The following ZBTB7C variants were observed in gnomAD, a reference collection of about 807,000 sequenced individuals.
ZBTB7C encodes the protein zinc finger and BTB domain-containing protein 7C.
Under a neutral mutation model 25.7 loss-of-function variants are expected in ZBTB7C, and 8 were observed. The observed-to-expected ratio is 0.31, with a 90% CI of 0.18 to 0.56. The LOEUF (loss-of-function observed/expected upper bound fraction) is 0.56, where lower values mean the gene tolerates loss of function less well. ZBTB7C is among the 20% of genes least tolerant of loss of function. The pLI is 0.91. For missense variants in ZBTB7C, 824 were observed against 855.2 expected (o/e 0.96, Z 0.46); for synonymous variants, 394 against 369.0 (o/e 1.07, Z -0.78).
At chr18:48,309,025 C>T (rs1483164462) in intron 2 of ZBTB7C, among the ~76,000 whole-genome samples, 1 of 152,210 alleles carries the variant, frequency 6.6e-6, no homozygotes, top group Non-Finnish European at 1.5e-5. Context: ...ACATTCCAGG[C>T]CAGGTCTCTG....
intron 1 of ZBTB7C, among the ~76,000 whole-genome samples, chr18:48,339,838 T>C (rs972915606): frequency 6.6e-6 from 1 of 152,090 alleles, no homozygotes; most frequent in East Asian, 1.9e-4. Flanking sequence ...AGGCTCCTAG[T>C]TAACAGGAGC....
intron 2 of ZBTB7C, among the ~76,000 whole-genome samples, chr18:48,290,048 G>C (rs1019271866): frequency 5.3e-5 from 8 of 152,352 alleles, no homozygotes; most frequent in African/African-American, 1.9e-4. Flanking sequence ...GGAGATTACA[G>C]TAGTTATGCT....
chr18:48,128,635 G>A (rs1489975485), intron 3 of ZBTB7C, among the ~76,000 whole-genome samples: 1 of 152,218 alleles, frequency 6.6e-6, no homozygotes, highest in Non-Finnish European at 1.5e-5. Context: ...GTTCTCACTT[G>A]TAACTGGGAG....
chr18:48,041,217 G>C (rs904956561), intron 3 of ZBTB7C, 94 bp from the exon 4 acceptor site: 3 of 1,458,110 alleles, frequency 2.1e-6, no homozygotes, highest in East Asian at 2.4e-5. Context: ...CTTGGCATAA[G>C]GGCTCCCTGT....
chr18:48,039,773 G>A, intron 4 of ZBTB7C, 127 bp downstream of exon 4: 4 of 983,936 alleles, frequency 4.1e-6, no homozygotes, highest in South Asian at 3.0e-5. Context: ...ACCCCTGCTA[G>A]CCACGAGCCT....
At chr18:48,338,524 T>C (rs1470163935) in intron 1 of ZBTB7C, 126 bp from the exon 2 acceptor site, 1 of 152,254 alleles carries the variant, frequency 6.6e-6, no homozygotes, top group East Asian at 1.9e-4. Flanking sequence ...CAATTCTTCA[T>C]GACTATACCA....
intron 1 of ZBTB7C, among the ~76,000 whole-genome samples, chr18:48,384,733 G>A (rs1334652912): frequency 2.0e-5 from 3 of 152,170 alleles, no homozygotes; most frequent in Non-Finnish European, 2.9e-5. Flanking sequence ...CCAGGCTGGA[G>A]TGCAGTGGCA....
intron 1 of ZBTB7C, among the ~76,000 whole-genome samples, chr18:48,365,688 C>T (rs1316814169): frequency 6.6e-6 from 1 of 152,004 alleles, no homozygotes; most frequent in Non-Finnish European, 1.5e-5. Flanking sequence ...TGCAGAGACT[C>T]CTAGCCCACA....
intron 2 of ZBTB7C, among the ~76,000 whole-genome samples, chr18:48,207,643 TGG>T (rs747944577): frequency 0.025 from 3,118 of 123,578 alleles, 42 homozygotes; most frequent in Non-Finnish European, 0.044. Flanking sequence ...CTATAGAGAC[TGG>T]ATTTCCCTAT....
At chr18:48,168,334 G>T (rs1164111628) in intron 3 of ZBTB7C, among the ~76,000 whole-genome samples, 1 of 152,246 alleles carries the variant, frequency 6.6e-6, no homozygotes, top group Non-Finnish European at 1.5e-5. Flanking sequence ...AGACAAATAT[G>T]TGGTTGATGT....
intron 2 of ZBTB7C, among the ~76,000 whole-genome samples, chr18:48,300,689 C>G (rs1172959362): frequency 6.6e-6 from 1 of 152,228 alleles, no homozygotes; most frequent in Non-Finnish European, 1.5e-5. Flanking sequence ...CAGAAGAGGA[C>G]AGCCCCTGTT....
In ZBTB7C at chr18:48,326,375, C is replaced by T. The variant is rs1327500788; in HGVS notation, c.-79+11799G>A. 5.3e-5 allele frequency among the ~76,000 whole-genome samples: 8 copies of T among 152,228 alleles called. No homozygotes were observed. The East Asian group carries it at 9.6e-4, about 18-fold the overall frequency. ...CCTTCCAAAGGGCTGGGATTACAGG[C>T]GTGAGTCACCATGCCCGGCCTCTAC... On this transcript the variant is annotated intron_variant, in intron 2 of 4. Coordinates refer to ENST00000590800, the MANE Select transcript of ZBTB7C (RefSeq NM_001318841.2).
In ZBTB7C at chr18:48,103,250, C is replaced by T. The variant is rs1262438218; in HGVS notation, c.-16-62127G>A. Among the ~76,000 whole-genome samples, 8 of 151,622 alleles carry T rather than the reference C, an allele frequency of 5.3e-5. No homozygotes were observed. In the East Asian group the frequency reaches 5.8e-4, roughly 11 times the overall value. ...CACATTCCCAGTAAGAAAAATGAGA[C>T]GTCAGGTTTGATCCCACCAGGAAGA... On this transcript the variant is annotated intron_variant, in intron 3 of 4. Transcript: ENST00000590800.
chr18:48,043,312 A>C (rs966697400), intron 3 of ZBTB7C, among the ~76,000 whole-genome samples: 3 of 152,252 alleles, frequency 2.0e-5, no homozygotes, highest in Non-Finnish European at 2.9e-5. Flanking sequence ...TTTGTGCACG[A>C]TAGTGAGTAA....
chr18:48,294,546 C>T (rs759265640), intron 2 of ZBTB7C, among the ~76,000 whole-genome samples: 18 of 152,230 alleles, frequency 1.2e-4, no homozygotes, highest in South Asian at 1.0e-3. Flanking sequence ...CAGCCCAGAG[C>T]GAGGCCATTT....
rs1311271011 is a variant in ZBTB7C at position 48,108,397 on chromosome 18, CG to C, written c.-16-67275del. Among the ~76,000 whole-genome samples, 3 of 152,228 alleles carry C rather than the reference CG, an allele frequency of 2.0e-5. No homozygotes were observed. In the East Asian group the frequency reaches 5.8e-4, roughly 29 times the overall value. ...GTACTCCAGAGGGCTCAGAACCAAC[CG>C]CCAGACAAACACCCTGGGGAAACAG... On this transcript the variant is annotated intron_variant, in intron 3 of 4. Coordinates refer to ENST00000590800, the MANE Select transcript of ZBTB7C (RefSeq NM_001318841.2).
chr18:48,151,293 C>T (rs1272351641), intron 3 of ZBTB7C, among the ~76,000 whole-genome samples: 3 of 152,158 alleles, frequency 2.0e-5, no homozygotes, highest in East Asian at 1.9e-4. Flanking sequence ...TCTGGGACAC[C>T]GGGACCTTTT....
chr18:48,325,553 T>C (rs1307619741), intron 2 of ZBTB7C, among the ~76,000 whole-genome samples: 1 of 152,256 alleles, frequency 6.6e-6, no homozygotes, highest in African/African-American at 2.4e-5. Context: ...ATCATTTTAT[T>C]ACCACATACA....
intron 1 of ZBTB7C, among the ~76,000 whole-genome samples, chr18:48,367,372 A>ATATATATATATATAT (rs1555752154): frequency 2.6e-5 from 3 of 116,172 alleles, no homozygotes; most frequent in Non-Finnish European, 3.6e-5. Context: ...ATATATATAT[A>ATATATATATATATAT]AAATACAAAC....
Sources: gnomAD v4.1 joint callset for allele counts (sites outside exome capture counted in the v4.1 genomes callset) on GRCh38, gnomAD v4.1.1 for gene constraint, MANE v1.5 for transcripts, NCBI Gene and HGNC (gene_info 2026-07-23, HGNC 2026-07-21) for gene names.